Variants in TPX2 observed in about 807,000 individuals in gnomAD.
TPX2 encodes targeting protein for Xklp2.
Under a neutral mutation model 93.6 loss-of-function variants are expected in TPX2, and 21 were observed. The ratio of observed to expected loss-of-function variants is 0.22; its 90% confidence interval spans 0.16 to 0.32. The LOEUF (loss-of-function observed/expected upper bound fraction) is 0.32. Among genes scored for constraint, TPX2 ranks in the 10% least tolerant of loss-of-function variants. The pLI is 1.00. For missense variants in TPX2, 776 were observed against 871.1 expected, an observed-to-expected ratio of 0.89 and a Z score of 1.37; for synonymous variants, 281 against 298.3, an observed-to-expected ratio of 0.94 and a Z score of 0.60.
Position 31,777,473 on chromosome 20 carries a change from T to A in TPX2, c.731-14T>A. The stretch of plus-strand genomic sequence containing the variant: ...TTAATGTTGTCTGTATGTTTTACTG[T>A]GTTCATCTCTCAGGGCAACCTGTGA... On this transcript the variant is annotated splice_polypyrimidine_tract_variant and intron_variant, in intron 8 of 17. Coordinates refer to ENST00000300403, the MANE Select transcript of TPX2 (RefSeq NM_012112.5). 2 of 1,612,570 alleles carry A rather than the reference T, an allele frequency of 1.2e-6. No individual in the cohort carries two copies. Among genetic ancestry groups the A allele is most frequent in the Non-Finnish European group, 1.7e-6 (2 of 1,179,044 alleles).
In TPX2 at chr20:31,779,016, G is replaced by A. The variant is rs765925120; in HGVS notation, c.1054+32G>A. 7.2e-6 allele frequency: 11 copies of A among 1,527,072 alleles called. No individual in the cohort carries two copies. The East Asian group carries it at 2.4e-4, about 33-fold the overall frequency. 94.6% of individuals were successfully genotyped at this position (1,527,072 alleles called of 1,614,324 possible). On this transcript the variant is annotated intron_variant, in intron 10 of 17. Transcript: ENST00000300403. ...TTCCTACCAGTATCACAGTTGGATG[G>A]AACCTCTCCTACATTCCCTCTGCTT...
chr20:31,777,226 G>C (rs1316618622), intron 8 of TPX2, among the ~76,000 whole-genome samples: 1 of 152,182 alleles, frequency 6.6e-6, no homozygotes, highest in Non-Finnish European at 1.5e-5. Context: ...ACCACACCTA[G>C]GAGATGGGAT....
chr20:31,770,439 CGAT>C lies in TPX2; in HGVS notation c.456_458del (p.Asp152del). 1 of 1,593,360 alleles carries C rather than the reference CGAT, an allele frequency of 6.3e-7. No individual in the cohort carries two copies. The highest frequency in any genetic ancestry group is 8.5e-7 in the Non-Finnish European group (1 of 1,170,642). On this transcript the variant is annotated inframe_deletion, in exon 6 of 18. Transcript: ENST00000300403. ...AGAGATGTGCCACTCCTGTAATCAT[CGAT>C]GAAATTCTACCCTCTAAGAAAATGA...
rs186259142 is a variant in TPX2, at chr20:31,776,140, G to A, written c.730+152G>A. ...CCAGGCCGGACTGCGGACTGCAGTG[G>A]CGCAATCTCGGCTCACTGCAAGCTC... is the stretch of plus-strand genomic sequence containing the variant. On this transcript the variant is annotated intron_variant, in intron 8 of 17. Coordinates refer to ENST00000300403, the MANE Select transcript of TPX2 (RefSeq NM_012112.5). 4.6e-3 allele frequency: 3,679 copies of A among 796,756 alleles called. 53 individuals are homozygous for A. The highest frequency in any genetic ancestry group is 4.3e-3 in the Non-Finnish European group (2,715 of 627,778). The allele number at this position is 796,756 out of a possible 1,614,324, so 49.4% of individuals were successfully genotyped here. A position where few individuals can be genotyped will look rare whatever the true frequency, so the allele number is the denominator to read the frequency against.
At chr20:31,794,577 T>C (rs768892183) in intron 15 of TPX2, 29 bp downstream of exon 15, 1 of 1,609,414 alleles carries the variant, frequency 6.2e-7, no homozygotes, top group Admixed American at 1.7e-5. Context: ...AGCCAAAATG[T>C]TAATTGCTTG....
intron 1 of TPX2, among the ~76,000 whole-genome samples, chr20:31,740,684 T>TA (rs2061748440): frequency 6.6e-6 from 1 of 152,258 alleles, no homozygotes; most frequent in South Asian, 2.1e-4. Context: ...CAGAGCAAGA[T>TA]AGGACACCAT....
At chr20:31,783,524 T>G (rs1316840821) in intron 11 of TPX2, among the ~76,000 whole-genome samples, 181 bp from the exon 12 acceptor site, 2 of 152,210 alleles carry the variant, frequency 1.3e-5, no homozygotes, top group Non-Finnish European at 2.9e-5. Flanking sequence ...GTGCTGGGAT[T>G]ACGGGCATGA....
At chr20:31,774,343 A>G (rs1317526719) in intron 7 of TPX2, among the ~76,000 whole-genome samples, 1 of 152,178 alleles carries the variant, frequency 6.6e-6, no homozygotes, top group African/African-American at 2.4e-5. Context: ...GTATTTGCTG[A>G]CAAGATTGTA....
intron 13 of TPX2, among the ~76,000 whole-genome samples, chr20:31,793,060 CAGTA>C (rs1398443844): frequency 3.3e-5 from 5 of 152,022 alleles, no homozygotes; most frequent in Non-Finnish European, 7.4e-5. Context: ...TTTATGGAAA[CAGTA>C]AGGAGCAGTT....
At chr20:31,767,104 G>A (rs2061932750) in intron 5 of TPX2, among the ~76,000 whole-genome samples, 2 of 151,874 alleles carry the variant, frequency 1.3e-5, no homozygotes. Context: ...GCCCAGCTAT[G>A]TTACCTTTAA....
intron 12 of TPX2, among the ~76,000 whole-genome samples, chr20:31,785,585 C>A (rs2062060862): frequency 6.6e-6 from 1 of 151,766 alleles, no homozygotes; most frequent in South Asian, 2.1e-4. Flanking sequence ...GCAACCTCCG[C>A]CTCCCGGGTT....
intron 2 of TPX2, among the ~76,000 whole-genome samples, chr20:31,754,003 G>A (rs1026334816): frequency 6.6e-6 from 1 of 152,068 alleles, no homozygotes; most frequent in African/African-American, 2.4e-5. Flanking sequence ...TCCAGCCTGG[G>A]CGACAGAGCA....
At chr20:31,798,127 G>A (rs573349712) in intron 16 of TPX2, among the ~76,000 whole-genome samples, 6 of 152,342 alleles carry the variant, frequency 3.9e-5, no homozygotes, top group Admixed American at 2.6e-4. Flanking sequence ...TTTTGTGCAA[G>A]CTACTTTATG....
Position 31,760,267 on chromosome 20 carries a change from G to A in TPX2, c.229+88G>A, listed in dbSNP as rs914431744. ...GAGGTTCTGGGAAAATTACCTAAAT[G>A]CTCTATCTCTTTGTTTATTATTGGT... On this transcript the variant is annotated intron_variant, in intron 4 of 17. Coordinates refer to ENST00000300403, the MANE Select transcript of TPX2 (RefSeq NM_012112.5). The A allele has an allele frequency of 2.0e-6, 3 of 1,522,292 alleles. No individual in the cohort carries two copies. The African/African-American group carries it at 4.2e-5, about 21-fold the overall frequency. 94.3% of individuals were successfully genotyped at this position (1,522,292 alleles called of 1,614,324 possible).
intron 12 of TPX2, among the ~76,000 whole-genome samples, chr20:31,790,553 A>G (rs1262193914): frequency 6.6e-6 from 1 of 152,264 alleles, no homozygotes; most frequent in Non-Finnish European, 1.5e-5. Context: ...ACTGTCTTGC[A>G]TGGTCCAGAA....
rs35700111 is a variant in TPX2 at position 31,766,454 on chromosome 20, G to GGTGTGTGTGTGTGT, written c.230-73_230-60dup. On this transcript the variant is annotated intron_variant, in intron 4 of 17. Coordinates refer to ENST00000300403, the MANE Select transcript of TPX2 (RefSeq NM_012112.5). The stretch of plus-strand genomic sequence containing the variant: ...ACTAAGGTTTCTGTGGCTTAGACAG[G>GGTGTGTGTGTGTGT]GTGTGTGTGTGTGTGTGTGTGTGTG... 237 of 720,658 alleles carry GGTGTGTGTGTGTGT rather than the reference G, an allele frequency of 3.3e-4. 2 individuals carry two copies. The African/African-American group carries it at 4.3e-3, about 13-fold the overall frequency. The allele number at this position is 720,658 out of a possible 1,614,324, so 44.6% of individuals were successfully genotyped here.
At chr20:31,759,983 G>A in intron 3 of TPX2, 74 bp from the exon 4 acceptor site, 1 of 1,578,022 alleles carries the variant, frequency 6.3e-7, no homozygotes, top group Non-Finnish European at 8.6e-7. Flanking sequence ...GCTTTAGTTT[G>A]CATTTTAAAT....
In TPX2 at chr20:31,777,474, G is replaced by C; in HGVS notation, c.731-13G>C. 6.2e-7 allele frequency: 1 copy of C among 1,612,910 alleles called. No individual in the cohort carries two copies. On this transcript the variant is annotated splice_polypyrimidine_tract_variant and intron_variant, in intron 8 of 17. Transcript: ENST00000300403. ...TAATGTTGTCTGTATGTTTTACTGTGTTCATCTCTCAGGGCAACCTGTGAA... is the reference window on the plus strand; with the variant it reads ...TAATGTTGTCTGTATGTTTTACTGTCTTCATCTCTCAGGGCAACCTGTGAA...
At chr20:31,783,335 C>T (rs1568599801) in intron 11 of TPX2, among the ~76,000 whole-genome samples, 1 of 151,980 alleles carries the variant, frequency 6.6e-6, no homozygotes, top group East Asian at 1.9e-4. Context: ...ACTGCAACCT[C>T]CGCCTCCTGG....
Sources: allele counts gnomAD v4.1 joint callset (sites outside exome capture counted in the v4.1 genomes callset), GRCh38; gene constraint gnomAD v4.1.1; transcripts MANE v1.5; gene names NCBI Gene and HGNC (gene_info 2026-07-23, HGNC 2026-07-21).